The following KDM4B variants were observed in gnomAD, a reference collection of about 807,000 sequenced individuals.
KDM4B encodes lysine demethylase 4B.
A neutral mutation model predicts 125.2 loss-of-function variants in KDM4B; 32 were observed. The observed-to-expected ratio is 0.26, with a 90% CI of 0.19 to 0.34. The LOEUF (loss-of-function observed/expected upper bound fraction) is 0.34, where lower values mean the gene tolerates loss of function less well. KDM4B is among the 10% of genes least tolerant of loss of function. The pLI, the probability that KDM4B is intolerant of heterozygous loss-of-function variation, is 1.00. For missense variants in KDM4B, 1,190 were observed against 1,577.7 expected (o/e 0.75, Z 4.16); for synonymous variants, 721 against 677.9 (o/e 1.06, Z -0.99).
rs76938946 is a variant in KDM4B, at chr19:4,973,839, A to C, written c.-109+4609A>C. 7.2e-5 allele frequency among the ~76,000 whole-genome samples: 11 copies of C among 152,034 alleles called. No individual in the cohort carries two copies. In the South Asian group the frequency reaches 1.5e-3, roughly 20 times the overall value. ...CAAAGCATATTAAAAAAAAAAAAAAAAAAAAACTGGCTGGGTGCGGTGGCT... is the reference window on the plus strand; with the variant it reads ...CAAAGCATATTAAAAAAAAAAAAAACAAAAAACTGGCTGGGTGCGGTGGCT... On this transcript the variant is annotated intron_variant, in intron 1 of 22. Transcript: ENST00000159111.
At chr19:4,969,317 G>C (rs1196596340) in intron 1 of KDM4B, 87 bp downstream of exon 1, 3 of 146,308 alleles carry the variant, frequency 2.1e-5, no homozygotes, top group African/African-American at 7.4e-5. Context: ...GGGGCTGCGG[G>C]CGCGCCCGGG....
rs1014896572 is a variant in KDM4B at position 5,141,568 on chromosome 19, C to T, written c.2551-2399C>T. 2.0e-5 allele frequency: 3 copies of T among 152,246 alleles called. No individual in the cohort carries two copies. Among genetic ancestry groups the T allele is most frequent in the Admixed American group, 1.3e-4 (2 of 15,288 alleles). 9.4% of individuals were successfully genotyped at this position (152,246 alleles called of 1,614,324 possible). A position where few individuals can be genotyped will look rare whatever the true frequency, so the allele number is the denominator to read the frequency against. ...GGCGGTTAATTCCTGCTCGCCCAACCGCCCAGCCACCTTCGCGGGCCACGG... is the reference window on the plus strand; with the variant it reads ...GGCGGTTAATTCCTGCTCGCCCAACTGCCCAGCCACCTTCGCGGGCCACGG... On this transcript the variant is annotated intron_variant, in intron 18 of 22. Coordinates refer to ENST00000159111, the MANE Select transcript of KDM4B (RefSeq NM_015015.3). This position sits in a 1 kb window ranked among gnomAD's most constrained non-coding sequence, Gnocchi z 6.4.
chr19:5,053,392 G>A (rs1326269128), intron 6 of KDM4B, among the ~76,000 whole-genome samples: 1 of 152,244 alleles, frequency 6.6e-6, no homozygotes, highest in Admixed American at 6.5e-5. Flanking sequence ...CACTGAGCCA[G>A]GATGACAGAA....
chr19:5,016,786 C>G (rs769195021), intron 2 of KDM4B, among the ~76,000 whole-genome samples: 1 of 152,202 alleles, frequency 6.6e-6, no homozygotes, highest in Non-Finnish European at 1.5e-5. Context: ...TTTTTAAATG[C>G]CTTTGAGGTA....
intron 9 of KDM4B, among the ~76,000 whole-genome samples, chr19:5,088,531 C>T (rs1254233494): frequency 6.6e-6 from 1 of 152,082 alleles, no homozygotes; most frequent in Non-Finnish European, 1.5e-5. Flanking sequence ...CAGCTCCACC[C>T]GTGATAAGTA....
At chr19:5,045,902 G>A (rs926439992) in intron 5 of KDM4B, among the ~76,000 whole-genome samples, 2 of 152,202 alleles carry the variant, frequency 1.3e-5, no homozygotes, top group Non-Finnish European at 2.9e-5. Flanking sequence ...GAGCTACCGC[G>A]CCTGGCCATC....
At chr19:5,056,995 C>T (rs576417709) in intron 6 of KDM4B, among the ~76,000 whole-genome samples, 215 of 151,610 alleles carry the variant, frequency 1.4e-3, no homozygotes, top group African/African-American at 5.0e-3. Context: ...GGTACAGAAA[C>T]GGACATAAAG....
At chr19:5,128,008 C>G (rs1209538407) in intron 11 of KDM4B, among the ~76,000 whole-genome samples, 3 of 152,160 alleles carry the variant, frequency 2.0e-5, no homozygotes, top group African/African-American at 4.8e-5. Flanking sequence ...TGGCTGGAGT[C>G]CCCTGTGCAC....
intron 2 of KDM4B, among the ~76,000 whole-genome samples, chr19:5,027,184 G>A (rs1490422618): frequency 6.6e-6 from 1 of 152,250 alleles, no homozygotes; most frequent in East Asian, 1.9e-4. Flanking sequence ...GCAGAAGCCG[G>A]TACGGTTGCC....
In KDM4B at chr19:5,150,461, G is replaced by A. The variant is rs375132798; in HGVS notation, c.3114+11G>A. The A allele has an allele frequency of 1.3e-5, 20 of 1,544,102 alleles. 1 individual carries two copies. Among genetic ancestry groups the A allele is most frequent in the Non-Finnish European group, 1.5e-5 (17 of 1,142,724 alleles). ...GTCCGCTCTCGGCTGGTGAGTGCGC[G>A]AGGCTGGCCTGGTGGCTCCGGGTGA... On this transcript the variant is annotated intron_variant, in intron 22 of 22. Coordinates refer to ENST00000159111, the MANE Select transcript of KDM4B (RefSeq NM_015015.3).
chr19:5,131,421 T>C lies in KDM4B; in HGVS notation c.1661T>C (p.Phe554Ser). Reference sequence around the variant, plus strand: ...TCCTGCCAGCAGGCCTTTGAGCACTTTGCCCAGAAGGGTCCGACCTGGAAG... The same window carrying C: ...TCCTGCCAGCAGGCCTTTGAGCACTCTGCCCAGAAGGGTCCGACCTGGAAG... The part of the protein sequence containing the change: ...HVSCQQAFEH[F>S]AQKGPTWKEP... Residue 554 changes from phenylalanine to serine, a missense_variant, in exon 12 of 23, where the codon TTT (phenylalanine) becomes TCT (serine). Phe to Ser is a radical substitution (Grantham distance 155). Coordinates refer to ENST00000159111, the MANE Select transcript of KDM4B (RefSeq NM_015015.3). The C allele has an allele frequency of 6.2e-7, 1 of 1,610,684 alleles. No individual in the cohort carries two copies. The highest frequency in any genetic ancestry group is 8.5e-7 in the Non-Finnish European group (1 of 1,179,448).
chr19:5,007,290 T>G (rs1053799563), intron 1 of KDM4B, among the ~76,000 whole-genome samples: 2 of 152,222 alleles, frequency 1.3e-5, no homozygotes, highest in African/African-American at 4.8e-5. Context: ...CGGCATGGTT[T>G]TGGCCTCTCC....
chr19:5,129,268 T>C (rs895952317), intron 11 of KDM4B, among the ~76,000 whole-genome samples: 1 of 152,052 alleles, frequency 6.6e-6, no homozygotes, highest in African/African-American at 2.4e-5. Flanking sequence ...TGGGGCAGTG[T>C]GGCTTCCTCC....
intron 6 of KDM4B, among the ~76,000 whole-genome samples, chr19:5,066,112 C>T (rs2037761919): frequency 6.6e-6 from 1 of 152,234 alleles, no homozygotes; most frequent in Admixed American, 6.5e-5. Flanking sequence ...CGGGGCTCAG[C>T]CTCAGTTGCT....
At chr19:5,080,385 G>GA (rs1170568519) in intron 8 of KDM4B, among the ~76,000 whole-genome samples, 1 of 152,240 alleles carries the variant, frequency 6.6e-6, no homozygotes, top group African/African-American at 2.4e-5. Flanking sequence ...TCAGAGATAA[G>GA]AAAACAAATG....
intron 6 of KDM4B, among the ~76,000 whole-genome samples, chr19:5,068,037 C>T (rs563178765): frequency 1.3e-5 from 2 of 152,154 alleles, no homozygotes; most frequent in Admixed American, 1.3e-4. Flanking sequence ...ACAGATGCTC[C>T]CCCTGCCTCG....
Position 5,119,708 on chromosome 19 carries a change from C to T in KDM4B, c.1171C>T (p.Pro391Ser), listed in dbSNP as rs757783076. 1.4e-5 allele frequency: 22 copies of T among 1,554,070 alleles called. No homozygotes were observed. Among genetic ancestry groups the T allele is most frequent in the African/African-American group, 1.4e-4 (10 of 73,148 alleles). The change falls in exon 11 of 23, where the codon CCT becomes TCT. Residue 391 changes from proline (P) to serine (S), a missense_variant. By Grantham distance (74) the Pro-to-Ser change is moderately conservative. This residue lies in a region of KDM4B where 428 missense variants were observed against 405.1 expected (regional missense o/e 1.06). Transcript: ENST00000159111. ...GCCGAAGCCCGAAGACCCCAAGTTC[C>T]CTGGGGAGGGTACGGCTGGGGCAGC... is the stretch of plus-strand genomic sequence containing the variant. ...KKPKPEDPKF[P>S]GEGTAGAALL...
chr19:5,026,361 G>C (rs2036277667), intron 2 of KDM4B, among the ~76,000 whole-genome samples: 1 of 151,998 alleles, frequency 6.6e-6, no homozygotes, highest in South Asian at 2.1e-4. Context: ...TCTGTTGCCT[G>C]GGCTGGAGTG....
chr19:5,128,156 G>A (rs1038613811), intron 11 of KDM4B, among the ~76,000 whole-genome samples: 9 of 152,188 alleles, frequency 5.9e-5, no homozygotes, highest in East Asian at 5.8e-4. Flanking sequence ...CCACAGCCCC[G>A]GCTGGAGTCC....
Sources: gnomAD v4.1 joint callset for allele counts (sites outside exome capture counted in the v4.1 genomes callset) on GRCh38, gnomAD v4.1.1 for gene constraint, gnomAD v4.1.1 regional missense constraint, Gnocchi (gnomAD v3.1) non-coding constraint, MANE v1.5 for transcripts, NCBI Gene and HGNC (gene_info 2026-07-23, HGNC 2026-07-21) for gene names.